RBM46: variants seen among roughly 807,000 people sequenced by gnomAD.
RBM46 encodes the protein probable RNA-binding protein 46.
RBM46 carries 12 observed loss-of-function variants against 43.3 expected under a neutral mutation model. That is an observed-to-expected ratio of 0.28 (90% CI 0.18 to 0.45). The LOEUF is 0.45. Among genes scored for constraint, RBM46 ranks in the 20% least tolerant of loss-of-function variants. The probability of loss-of-function intolerance (pLI) is 1.00; values close to 1 mark genes in which losing one functional copy is unlikely to be tolerated. For missense variants in RBM46, 412 were observed against 639.1 expected (o/e 0.64, Z 3.83); for synonymous variants, 205 against 207.6 (o/e 0.99, Z 0.11).
At chr4:154,815,839 T>C (rs575764693) in intron 4 of RBM46, among the ~76,000 whole-genome samples, 3 of 152,194 alleles carry the variant, frequency 2.0e-5, no homozygotes, top group African/African-American at 7.2e-5. Flanking sequence ...AGAAAACCTT[T>C]ACTCACCACA....
intron 4 of RBM46, among the ~76,000 whole-genome samples, chr4:154,802,948 T>C (rs1734710854): frequency 6.6e-6 from 1 of 152,196 alleles, no homozygotes; most frequent in Non-Finnish European, 1.5e-5. Context: ...AGTGTACTTT[T>C]AATATCCATA....
At chr4:154,815,800 A>G (rs758856955) in intron 4 of RBM46, among the ~76,000 whole-genome samples, 7 of 151,952 alleles carry the variant, frequency 4.6e-5, no homozygotes, top group Admixed American at 2.0e-4. Flanking sequence ...CAATTGATCA[A>G]TCTTACTTGT....
intron 4 of RBM46, among the ~76,000 whole-genome samples, chr4:154,824,512 A>G (rs1022104738): frequency 1.3e-5 from 2 of 152,120 alleles, no homozygotes; most frequent in Non-Finnish European, 2.9e-5. Flanking sequence ...AGTAATAACC[A>G]TAAAAATGAA....
At chr4:154,787,579 A>G (rs986736700) in intron 1 of RBM46, among the ~76,000 whole-genome samples, 5 of 152,026 alleles carry the variant, frequency 3.3e-5, no homozygotes, top group African/African-American at 1.2e-4. Flanking sequence ...AATCCAGTCT[A>G]TCATTGATGG....
chr4:154,803,738 A>G (rs1354201725), intron 4 of RBM46, among the ~76,000 whole-genome samples: 14 of 142,238 alleles, frequency 9.8e-5, no homozygotes, highest in African/African-American at 3.6e-4. Context: ...AAAGGAAATT[A>G]TGTATTTACT....
chr4:154,786,272 A>G (rs1733760232), intron 1 of RBM46, among the ~76,000 whole-genome samples: 1 of 151,940 alleles, frequency 6.6e-6, no homozygotes, highest in Admixed American at 6.6e-5. Context: ...TATTTTTAGT[A>G]GAGATGGTGT....
Position 154,799,087 on chromosome 4 carries a change from G to A in RBM46, c.925G>A (p.Val309Ile), listed in dbSNP as rs746465115. ...TATTGAGGTAACACTAGCTAAACCA[G>A]TAAATAAAGAAAACACTTGGAGACA... ...ASIEVTLAKPVNKENTWRQHL... is the reference protein window; with the variant it reads ...ASIEVTLAKPINKENTWRQHL... Residue 309 changes from valine (V) to isoleucine (I), a missense_variant, in exon 4 of 5, where the codon GTA becomes ATA. Transcript: ENST00000281722. 1.4e-5 allele frequency: 23 copies of A among 1,614,100 alleles called. No individual in the cohort carries two copies. Among genetic ancestry groups the A allele is most frequent in the Non-Finnish European group, 1.9e-5 (22 of 1,180,000 alleles).
chr4:154,817,041 T>C (rs529755594), intron 4 of RBM46, among the ~76,000 whole-genome samples: 42 of 152,214 alleles, frequency 2.8e-4, no homozygotes, highest in African/African-American at 9.4e-4. Flanking sequence ...CATTATACAT[T>C]ATACTTTTTA....
At chr4:154,789,306 G>C (rs1365227924) in intron 1 of RBM46, among the ~76,000 whole-genome samples, 2 of 152,190 alleles carry the variant, frequency 1.3e-5, no homozygotes, top group Non-Finnish European at 2.9e-5. Context: ...GATACTGGCT[G>C]TGGGTTTGTC....
chr4:154,793,952 G>T (rs997472001), intron 1 of RBM46, among the ~76,000 whole-genome samples: 2 of 152,114 alleles, frequency 1.3e-5, no homozygotes, highest in Non-Finnish European at 2.9e-5. Flanking sequence ...ACTGAACCCT[G>T]ATCTTACCCC....
chr4:154,794,177 CTTTTTTTTTT>C (rs58437982), intron 1 of RBM46, among the ~76,000 whole-genome samples: 2 of 115,760 alleles, frequency 1.7e-5, no homozygotes, highest in African/African-American at 7.6e-5. Context: ...GTAGTAATCA[CTTTTTTTTTT>C]TTTTTTTTTT....
chr4:154,806,263 A>G (rs1285930911), intron 4 of RBM46, among the ~76,000 whole-genome samples: 1 of 151,886 alleles, frequency 6.6e-6, no homozygotes, highest in Non-Finnish European at 1.5e-5. Context: ...TGAGAGAAGC[A>G]GCTTAATAGA....
At chr4:154,802,697 T>C (rs1312439677) in intron 4 of RBM46, among the ~76,000 whole-genome samples, 1 of 152,194 alleles carries the variant, frequency 6.6e-6, no homozygotes, top group Non-Finnish European at 1.5e-5. Context: ...AGTCATCTTT[T>C]GGCTCTATTA....
chr4:154,825,760 C>T (rs1280236867), intron 4 of RBM46, among the ~76,000 whole-genome samples: 2 of 152,112 alleles, frequency 1.3e-5, no homozygotes, highest in Non-Finnish European at 2.9e-5. Flanking sequence ...GAAATCTTTC[C>T]CTGAAGATAA....
At chr4:154,827,350 A>G (rs2111229551) in intron 4 of RBM46, 1 of 974,862 alleles carries the variant, frequency 1.0e-6, no homozygotes, top group East Asian at 1.1e-4. Context: ...GTTGAGTTAG[A>G]TAAGTGTTTA....
chr4:154,796,946 C>G, intron 2 of RBM46, 43 bp downstream of exon 2: 2 of 1,545,818 alleles, frequency 1.3e-6, no homozygotes, highest in Non-Finnish European at 1.8e-6. Flanking sequence ...TCTTTAACCT[C>G]GTCATGTAGA....
chr4:154,820,117 T>G (rs969586889), intron 4 of RBM46, among the ~76,000 whole-genome samples: 4 of 152,086 alleles, frequency 2.6e-5, no homozygotes, highest in African/African-American at 9.7e-5. Flanking sequence ...TTTAGAAAGA[T>G]AAATTTTTTT....
At chr4:154,816,536 T>C (rs982327940) in intron 4 of RBM46, among the ~76,000 whole-genome samples, 2 of 152,180 alleles carry the variant, frequency 1.3e-5, no homozygotes, top group Non-Finnish European at 2.9e-5. Context: ...GTTCCTGCTT[T>C]ATGTGAAAAC....
chr4:154,782,514 CGCTCTGTCTCCCA>C (rs1733540720), intron 1 of RBM46, among the ~76,000 whole-genome samples: 1 of 152,184 alleles, frequency 6.6e-6, no homozygotes, highest in African/African-American at 2.4e-5. Context: ...GACGGAGTCT[CGCTCTGTCTCCCA>C]GGCGGGAGAG....
Sources: gnomAD v4.1 joint callset for allele counts (sites outside exome capture counted in the v4.1 genomes callset) on GRCh38, gnomAD v4.1.1 for gene constraint, MANE v1.5 for transcripts, NCBI Gene and HGNC (gene_info 2026-07-23, HGNC 2026-07-21) for gene names.